The following SLC44A2 variants were observed in gnomAD, a reference collection of about 807,000 sequenced individuals.
SLC44A2 encodes the protein choline transporter-like protein 2.
In SLC44A2, 57 loss-of-function variants were observed where a neutral mutation model predicts 90.8. The observed-to-expected ratio is 0.63, with a 90% CI of 0.51 to 0.78. The LOEUF (loss-of-function observed/expected upper bound fraction) is 0.78. Among genes scored for constraint, SLC44A2 ranks in the 30% least tolerant of loss-of-function variants. The pLI is 0.00. For synonymous variants in SLC44A2, 355 were observed against 360.7 expected (o/e 0.98, Z 0.18); for missense variants, 794 against 919.7 (o/e 0.86, Z 1.77).
Position 10,625,608 on chromosome 19 carries a change from G to T in SLC44A2, c.-26G>T. Reference sequence around the variant, plus strand: ...GGGGGCGCGGGAGAGAGCGCGGGCGGCCGCCGGGGCTGGTCGCCTGCAGGG... The same window carrying T: ...GGGGGCGCGGGAGAGAGCGCGGGCGTCCGCCGGGGCTGGTCGCCTGCAGGG... On this transcript the variant is annotated 5_prime_UTR_variant, in exon 1 of 22. Coordinates refer to ENST00000335757, the MANE Select transcript of SLC44A2 (RefSeq NM_020428.4). The T allele has an allele frequency of 1.6e-6, 2 of 1,243,474 alleles. No homozygotes were observed. The allele number at this position is 1,243,474 out of a possible 1,614,324, so 77.0% of individuals were successfully genotyped here. A position where few individuals can be genotyped will look rare whatever the true frequency, so the allele number is the denominator to read the frequency against.
chr19:10,619,209 C>T (rs1408173527), intron 1 of SLC44A2, among the ~76,000 whole-genome samples: 9 of 150,790 alleles, frequency 6.0e-5, no homozygotes, highest in South Asian at 2.1e-4. Context: ...GCAGGTGCGT[C>T]GCTGGAACTC....
At chr19:10,618,080 C>T (rs1405345740) in intron 1 of SLC44A2, among the ~76,000 whole-genome samples, 1 of 152,174 alleles carries the variant, frequency 6.6e-6, no homozygotes, top group East Asian at 1.9e-4. Context: ...TCTCGGCTCA[C>T]TGCAACCTCC....
intron 1 of SLC44A2, among the ~76,000 whole-genome samples, chr19:10,609,958 A>G (rs1918235444): frequency 6.6e-6 from 1 of 151,874 alleles, no homozygotes; most frequent in Non-Finnish European, 1.5e-5. Flanking sequence ...GGCATGCACA[A>G]CCATGCCCGG....
chr19:10,631,042 C>G lies in SLC44A2; in HGVS notation c.246-15C>G, dbSNP rs1206887249. ...AAAATCTTAACAGTTTCCATTCTCC[C>G]TTCTCTAACTCCAGGAACAAACCCT... On this transcript the variant is annotated splice_polypyrimidine_tract_variant and intron_variant, in intron 4 of 21. Transcript: ENST00000335757. The G allele has an allele frequency of 5.0e-6, 8 of 1,600,320 alleles. No homozygotes were observed. The highest frequency in any genetic ancestry group is 6.0e-6 in the Non-Finnish European group (7 of 1,171,586).
chr19:10,641,189 T>C (rs911794006), intron 20 of SLC44A2: 10 of 347,780 alleles, frequency 2.9e-5, no homozygotes, highest in African/African-American at 2.2e-4. Context: ...GCTCAGGAGT[T>C]TGAAAACAGC....
chr19:10,617,957 C>A (rs987841774), intron 1 of SLC44A2, among the ~76,000 whole-genome samples: 7 of 152,164 alleles, frequency 4.6e-5, no homozygotes, highest in African/African-American at 1.7e-4. Context: ...GCTTTCCCTT[C>A]ATACTTGTAA....
intron 1 of SLC44A2, among the ~76,000 whole-genome samples, chr19:10,608,278 C>T (rs984399093): frequency 2.0e-5 from 3 of 151,520 alleles, no homozygotes; most frequent in Non-Finnish European, 2.9e-5. Flanking sequence ...CTTGGCTAGC[C>T]TAGAACTCCT....
chr19:10,621,422 G>GTTTTTT (rs34643212), upstream of SLC44A2, among the ~76,000 whole-genome samples: 2 of 89,440 alleles, frequency 2.2e-5, no homozygotes, highest in East Asian at 3.4e-4. Flanking sequence ...ATGGTTGGGT[G>GTTTTTT]TTTTTTTTTT....
At chr19:10,610,060 C>T (rs1568442162) in intron 1 of SLC44A2, among the ~76,000 whole-genome samples, 1 of 152,040 alleles carries the variant, frequency 6.6e-6, no homozygotes, top group Non-Finnish European at 1.5e-5. Context: ...CCCACTTTGG[C>T]CTCCCAAAGT....
At chr19:10,611,309 A>G (rs1021987411) in intron 1 of SLC44A2, among the ~76,000 whole-genome samples, 1 of 152,088 alleles carries the variant, frequency 6.6e-6, no homozygotes, top group African/African-American at 2.4e-5. Flanking sequence ...AAATTTAGCC[A>G]GGCGTGGTGG....
chr19:10,625,803 C>G (rs1449577672), intron 1 of SLC44A2, 133 bp downstream of exon 1: 1 of 773,436 alleles, frequency 1.3e-6, no homozygotes, highest in Non-Finnish European at 1.8e-6. Context: ...GGAGCCTCCC[C>G]ACCATCAGCC....
upstream of SLC44A2, chr19:10,625,454 C>T: frequency 8.2e-7 from 1 of 1,215,476 alleles, no homozygotes. Flanking sequence ...CCTCCCGGGT[C>T]CCTTAGTCTG....
At chr19:10,636,016 A>T (rs2067050478) in intron 14 of SLC44A2, 3 of 362,622 alleles carry the variant, frequency 8.3e-6, no homozygotes, top group Non-Finnish European at 1.5e-5. Context: ...TGACCTCGTG[A>T]TCCACCTGCC....
At chr19:10,627,653 A>G in intron 2 of SLC44A2, 69 bp from the exon 3 acceptor site, 2 of 1,537,826 alleles carry the variant, frequency 1.3e-6, no homozygotes, top group Non-Finnish European at 1.8e-6. Context: ...GGGTGTTTGC[A>G]GAGGGCAGAT....
At chr19:10,626,528 C>T (rs909537218) in intron 2 of SLC44A2, among the ~76,000 whole-genome samples, 2 of 151,400 alleles carry the variant, frequency 1.3e-5, no homozygotes, top group South Asian at 4.2e-4. Flanking sequence ...ATTCTCCCAC[C>T]TCAGTCTCCC....
chr19:10,627,606 C>T (rs914897250), intron 2 of SLC44A2, 116 bp from the exon 3 acceptor site: 44 of 1,023,206 alleles, frequency 4.3e-5, no homozygotes, highest in African/African-American at 3.0e-4. Flanking sequence ...GGCATTCAAA[C>T]GACTCAGGAA....
At chr19:10,622,387 G>A (rs924461452), upstream of SLC44A2, among the ~76,000 whole-genome samples, 15 of 152,258 alleles carry the variant, frequency 9.9e-5, no homozygotes, top group Middle Eastern at 6.8e-3. Context: ...TGACTTAGGT[G>A]TGCACAGATG....
At position 10,606,909 on chromosome 19, in the gene SLC44A2, C is replaced by CTT. The variant is rs1466602465; in HGVS notation, c.31+4349_31+4350insTT. 1.7e-4 allele frequency among the ~76,000 whole-genome samples: 25 copies of CTT among 144,986 alleles called. 1 individual carries two copies. Among genetic ancestry groups the CTT allele is most frequent in the Non-Finnish European group, 3.0e-4 (20 of 65,680 alleles). On this transcript the variant is annotated intron_variant, in intron 1 of 21. Coordinates refer to the SLC44A2 transcript ENST00000407327. ...TGTATGAAAAGGTAGTTACTTACGG[C>CTT]TATTTTTTTTTTTTTTTTTTGAGAC...
intron 1 of SLC44A2, among the ~76,000 whole-genome samples, chr19:10,611,400 C>T (rs998474822): frequency 6.6e-6 from 1 of 152,026 alleles, no homozygotes; most frequent in Admixed American, 6.6e-5. Flanking sequence ...TGCAGTTAGC[C>T]AAGATTGCGC....
Sources: allele counts gnomAD v4.1 joint callset (sites outside exome capture counted in the v4.1 genomes callset), GRCh38; gene constraint gnomAD v4.1.1; transcripts MANE v1.5; gene names NCBI Gene and HGNC (gene_info 2026-07-23, HGNC 2026-07-21).